SYT1: variants seen among roughly 807,000 people sequenced by gnomAD.
The protein encoded by SYT1 is synaptotagmin 1, also known as synaptotagmin-1.
Under a neutral mutation model 44.8 loss-of-function variants are expected in SYT1, and 8 were observed. That is an observed-to-expected ratio of 0.18 (90% CI 0.10 to 0.32). The LOEUF (loss-of-function observed/expected upper bound fraction) is 0.32. Among genes scored for constraint, SYT1 ranks in the 10% least tolerant of loss-of-function variants. The probability of loss-of-function intolerance (pLI) is 1.00; values close to 1 mark genes in which losing one functional copy is unlikely to be tolerated. For synonymous variants in SYT1, 154 were observed against 188.8 expected (o/e 0.82, Z 1.51); for missense variants, 286 against 509.3 (o/e 0.56, Z 4.22).
intron 3 of SYT1, among the ~76,000 whole-genome samples, chr12:79,174,864 G>C (rs560868403): frequency 6.6e-6 from 1 of 152,002 alleles, no homozygotes; most frequent in Non-Finnish European, 1.5e-5. Flanking sequence ...CAGATACAAG[G>C]TCTTGCCAAC....
chr12:79,093,648 C>T (rs1467525747), intron 3 of SYT1, among the ~76,000 whole-genome samples: 1 of 151,586 alleles, frequency 6.6e-6, no homozygotes, highest in Non-Finnish European at 1.5e-5. Context: ...CTTGAACTGT[C>T]ATTCAGCTTT....
At chr12:79,355,289 G>A (rs1251535059) in intron 9 of SYT1, among the ~76,000 whole-genome samples, 1 of 152,094 alleles carries the variant, frequency 6.6e-6, no homozygotes, top group Non-Finnish European at 1.5e-5. Flanking sequence ...TCCCAAAGAA[G>A]GAAGGGTACC....
chr12:79,406,311 C>T (rs903414298), intron 9 of SYT1, among the ~76,000 whole-genome samples: 21 of 152,008 alleles, frequency 1.4e-4, no homozygotes, highest in Admixed American at 1.1e-3. Flanking sequence ...TAGAGGTGAC[C>T]CTTGGGGCAA....
intron 3 of SYT1, among the ~76,000 whole-genome samples, chr12:79,050,125 A>G (rs1874365075): frequency 6.6e-6 from 1 of 151,884 alleles, no homozygotes; most frequent in Non-Finnish European, 1.5e-5. Flanking sequence ...TAACATAAAT[A>G]GTTGATTAAT....
At chr12:79,010,444 T>C (rs530403836) in intron 2 of SYT1, among the ~76,000 whole-genome samples, 1 of 152,294 alleles carries the variant, frequency 6.6e-6, no homozygotes, top group African/African-American at 2.4e-5. Flanking sequence ...GACCAAGCTG[T>C]TTGTAGTAGT....
chr12:79,045,354 G>A lies in SYT1; in HGVS notation c.-83-1943G>A, dbSNP rs539271824. Among the ~76,000 whole-genome samples the A allele has an allele frequency of 5.9e-5, 9 of 152,322 alleles. No individual in the cohort carries two copies. The South Asian group carries it at 1.4e-3, about 25-fold the overall frequency. Reference sequence around the variant, plus strand: ...CATTTTTTAAGCCGGTCGGAAAAGCGCAGTATTCGGGAGGGAGTGACCCGA... The same window carrying A: ...CATTTTTTAAGCCGGTCGGAAAAGCACAGTATTCGGGAGGGAGTGACCCGA... On this transcript the variant is annotated intron_variant, in intron 2 of 10. Coordinates refer to ENST00000261205, the MANE Select transcript of SYT1 (RefSeq NM_005639.3).
At chr12:79,173,904 A>T (rs537956393) in intron 3 of SYT1, among the ~76,000 whole-genome samples, 6 of 152,172 alleles carry the variant, frequency 3.9e-5, no homozygotes, top group South Asian at 4.1e-4. Context: ...ATTTAACTTA[A>T]TGTGGCATTC....
At chr12:79,178,934 A>ATC (rs1872085605) in intron 3 of SYT1, among the ~76,000 whole-genome samples, 1 of 40,476 alleles carries the variant, frequency 2.5e-5, no homozygotes, top group Non-Finnish European at 3.8e-5. Context: ...ATATATCTAT[A>ATC]TAGATATAGA....
chr12:78,924,251 T>C (rs1877174810), intron 1 of SYT1, among the ~76,000 whole-genome samples: 1 of 151,960 alleles, frequency 6.6e-6, no homozygotes, highest in Admixed American at 6.6e-5. Context: ...GTTAAGGTGC[T>C]GTCTATCAGA....
chr12:79,024,673 G>A (rs766443255), intron 2 of SYT1, among the ~76,000 whole-genome samples: 6 of 151,728 alleles, frequency 4.0e-5, no homozygotes, highest in Non-Finnish European at 7.4e-5. Flanking sequence ...CCCCTGGAAA[G>A]TACTTTCTAG....
chr12:78,917,537 C>T (rs922121841), intron 1 of SYT1, among the ~76,000 whole-genome samples: 3 of 151,528 alleles, frequency 2.0e-5, no homozygotes, highest in African/African-American at 4.8e-5. Context: ...GTGCAGCACA[C>T]CAACATGGCA....
intron 3 of SYT1, among the ~76,000 whole-genome samples, chr12:79,102,397 T>C (rs923755140): frequency 3.9e-5 from 6 of 152,118 alleles, no homozygotes; most frequent in Non-Finnish European, 8.8e-5. Context: ...AAGCTTCCCC[T>C]AGACTTCTGT....
At chr12:79,279,925 T>C (rs577318275) in intron 4 of SYT1, among the ~76,000 whole-genome samples, 18 of 151,896 alleles carry the variant, frequency 1.2e-4, no homozygotes, top group African/African-American at 4.3e-4. Context: ...CCTAAAAATA[T>C]GCTTAACTAA....
At chr12:78,989,605 C>G (rs1215291703) in intron 2 of SYT1, among the ~76,000 whole-genome samples, 1 of 152,064 alleles carries the variant, frequency 6.6e-6, no homozygotes, top group Non-Finnish European at 1.5e-5. Context: ...GCTCTCTTAT[C>G]TGATTGGGGA....
chr12:79,381,725 G>T (rs17005528), intron 9 of SYT1, among the ~76,000 whole-genome samples: 1 of 152,142 alleles, frequency 6.6e-6, no homozygotes. Flanking sequence ...TACAAATTGC[G>T]TGGAAGCAAG....
intron 3 of SYT1, among the ~76,000 whole-genome samples, chr12:79,073,589 T>C (rs978257980): frequency 6.6e-6 from 1 of 152,082 alleles, no homozygotes; most frequent in African/African-American, 2.4e-5. Context: ...CTGGCTTGGC[T>C]AGAAGGACAG....
chr12:79,152,047 G>T (rs748576590), intron 3 of SYT1, among the ~76,000 whole-genome samples: 3 of 152,144 alleles, frequency 2.0e-5, no homozygotes, highest in Non-Finnish European at 2.9e-5. Flanking sequence ...AGTAGAGAAT[G>T]ATGTCACAGG....
chr12:79,295,992 C>T (rs942160038), intron 6 of SYT1, 77 bp from the exon 7 acceptor site: 22 of 1,430,684 alleles, frequency 1.5e-5, no homozygotes, highest in Non-Finnish European at 1.9e-5. Flanking sequence ...TCCCAATATG[C>T]AGCATTGTGA....
intron 3 of SYT1, among the ~76,000 whole-genome samples, chr12:79,108,910 A>C (rs898685869): frequency 6.6e-6 from 1 of 152,232 alleles, no homozygotes; most frequent in Admixed American, 6.5e-5. Context: ...TAGATGGTAT[A>C]TATAGTAATA....
Sources: allele counts gnomAD v4.1 joint callset (sites outside exome capture counted in the v4.1 genomes callset), GRCh38; gene constraint gnomAD v4.1.1; transcripts MANE v1.5; gene names NCBI Gene and HGNC (gene_info 2026-07-23, HGNC 2026-07-21).